Variants in ERP44 observed in about 807,000 individuals in gnomAD.
ERP44 encodes the protein endoplasmic reticulum resident protein 44.
In ERP44, 25 loss-of-function variants were observed where a neutral mutation model predicts 53.4. The ratio of observed to expected loss-of-function variants is 0.47; its 90% CI spans 0.34 to 0.65. The LOEUF is 0.65. ERP44 is among the 30% of genes least tolerant of loss of function. The pLI, the probability that ERP44 is intolerant of heterozygous loss-of-function variation, is 0.01. For synonymous variants in ERP44, 145 were observed against 161.2 expected (o/e 0.90, Z 0.76); for missense variants, 338 against 493.2 (o/e 0.69, Z 2.98).
intron 10 of ERP44, among the ~76,000 whole-genome samples, chr9:100,000,500 A>T (rs1830365167): frequency 6.6e-6 from 1 of 150,916 alleles, no homozygotes; most frequent in Admixed American, 6.6e-5. Flanking sequence ...AAGAATGGTC[A>T]TCAGGTCCTG....
chr9:100,062,257 A>T (rs563226681), intron 1 of ERP44, among the ~76,000 whole-genome samples: 1 of 152,334 alleles, frequency 6.6e-6, no homozygotes, highest in African/African-American at 2.4e-5. Flanking sequence ...TGTAAAACTT[A>T]TATTAAATAA....
intron 1 of ERP44, among the ~76,000 whole-genome samples, chr9:100,078,012 A>G (rs542869128): frequency 4.3e-4 from 65 of 152,384 alleles, no homozygotes; most frequent in African/African-American, 1.4e-3. Context: ...GCTTGCTGAA[A>G]GCAAAGGAAA....
intron 1 of ERP44, among the ~76,000 whole-genome samples, chr9:100,061,595 G>GAAACATATATATTTATAGAAATATATAT (rs1826150535): frequency 7.0e-6 from 1 of 143,248 alleles, no homozygotes; most frequent in Non-Finnish European, 1.5e-5. Context: ...TATATTTATA[G>GAAACATATATATTTATAGAAATATATAT]AAATATATAT....
chr9:100,068,683 A>G (rs7048051), intron 1 of ERP44, among the ~76,000 whole-genome samples: 95,554 of 137,404 alleles, frequency 0.7, 33,229 homozygotes, highest in East Asian at 0.91. Flanking sequence ...TCAACCCCCC[A>G]CCCGGCCAGC....
At position 100,020,737 on chromosome 9, in the gene ERP44, A is replaced by T; in HGVS notation, c.472-6T>A. On this transcript the variant is annotated splice_region_variant and splice_polypyrimidine_tract_variant and intron_variant, in intron 5 of 11. Coordinates refer to ENST00000262455, the MANE Select transcript of ERP44 (RefSeq NM_015051.3). ...ATGATATTTCTTTTGCTGCGCTGTA[A>T]AATAAAGTATGCAATTATTTTGCAA... The T allele has an allele frequency of 1.4e-6, 2 of 1,443,356 alleles. No individual in the cohort carries two copies. Among genetic ancestry groups the T allele is most frequent in the Non-Finnish European group, 1.9e-6 (2 of 1,027,990 alleles). 89.4% of individuals were successfully genotyped at this position (1,443,356 alleles called of 1,614,324 possible).
At chr9:99,991,749 CA>C (rs1830258669) in intron 10 of ERP44, among the ~76,000 whole-genome samples, 1 of 151,850 alleles carries the variant, frequency 6.6e-6, no homozygotes, top group Admixed American at 6.6e-5. Flanking sequence ...AAAAGATCAA[CA>C]AAATTGATAG....
intron 4 of ERP44, among the ~76,000 whole-genome samples, chr9:100,043,902 A>T (rs1825940199): frequency 6.6e-6 from 1 of 152,214 alleles, no homozygotes; most frequent in African/African-American, 2.4e-5. Flanking sequence ...TGTAGTTAAT[A>T]ATAATTTATT....
At chr9:99,989,566 A>G (rs1457034015) in intron 10 of ERP44, among the ~76,000 whole-genome samples, 2 of 152,220 alleles carry the variant, frequency 1.3e-5, no homozygotes, top group Admixed American at 6.5e-5. Context: ...CCAAAAGTAG[A>G]TAAAACCACA....
rs559208904 is a variant in ERP44, at chr9:100,064,754, G to C, written c.58-4582C>G. Among the ~76,000 whole-genome samples the C allele has an allele frequency of 2.1e-3, 317 of 152,250 alleles. 2 individuals carry two copies. The highest frequency in any genetic ancestry group is 7.2e-3 in the African/African-American group (301 of 41,544). Reference sequence around the variant, plus strand: ...AATTCCTGGAGCCTCTTGATGTCTTGATAATCCTGACCCTGTGTAGGTCTA... The same window carrying C: ...AATTCCTGGAGCCTCTTGATGTCTTCATAATCCTGACCCTGTGTAGGTCTA... On this transcript the variant is annotated intron_variant, in intron 1 of 11. Transcript: ENST00000262455.
At chr9:99,999,861 G>A (rs770072149) in intron 10 of ERP44, among the ~76,000 whole-genome samples, 60 of 152,166 alleles carry the variant, frequency 3.9e-4, no homozygotes, top group Admixed American at 2.9e-3. Context: ...TATACGGGGC[G>A]AGATGAGGGT....
rs559474432 is a variant in ERP44, at chr9:99,985,241, A to C, written c.1017-172T>G. ...TTACACAGTTGTAAGCATAGTATCC[A>C]GATACTCAGTTTTGTATTCTAATTC... On this transcript the variant is annotated intron_variant, in intron 10 of 11. Transcript: ENST00000262455. 5.9e-5 allele frequency among the ~76,000 whole-genome samples: 9 copies of C among 152,364 alleles called. No individual in the cohort carries two copies. In the South Asian group the frequency reaches 1.9e-3, roughly 32 times the overall value.
At chr9:100,087,778 CAAA>C (rs1826501850) in intron 1 of ERP44, among the ~76,000 whole-genome samples, 2 of 151,978 alleles carry the variant, frequency 1.3e-5, no homozygotes, top group South Asian at 4.1e-4. Flanking sequence ...CAGGATTAAA[CAAA>C]AAGAGCCCAA....
chr9:99,985,265 T>C (rs1830184287), intron 10 of ERP44, among the ~76,000 whole-genome samples, 196 bp from the exon 11 acceptor site: 1 of 152,232 alleles, frequency 6.6e-6, no homozygotes, highest in African/African-American at 2.4e-5. Context: ...GTATTCTAAT[T>C]CCTGTACTTG....
rs1162818343 is a variant in ERP44 at position 100,030,096 on chromosome 9, G to GA, written c.287-7871dup. Among the ~76,000 whole-genome samples the GA allele has an allele frequency of 2.6e-5, 4 of 152,114 alleles. No homozygotes were observed. In the South Asian group the frequency reaches 6.2e-4, roughly 24 times the overall value. On this transcript the variant is annotated intron_variant, in intron 4 of 11. Transcript: ENST00000262455. ...AGCGAGACTCAGTCTCAAAAACAAAGAAAAAAGAAAATGTGGTACATATAC... is the reference window on the plus strand; with the variant it reads ...AGCGAGACTCAGTCTCAAAAACAAAGAAAAAAAGAAAATGTGGTACATATAC...
chr9:100,003,011 A>C (rs1830393946), intron 10 of ERP44, among the ~76,000 whole-genome samples: 1 of 151,558 alleles, frequency 6.6e-6, no homozygotes, highest in African/African-American at 2.4e-5. Context: ...TTTCTTCTGT[A>C]TGTTTTCAAA....
At chr9:100,023,347 C>A (rs1488960712) in intron 4 of ERP44, among the ~76,000 whole-genome samples, 1 of 150,546 alleles carries the variant, frequency 6.6e-6, no homozygotes, top group Non-Finnish European at 1.5e-5. Flanking sequence ...AAAGCACAAG[C>A]CACAAAGACT....
At position 100,039,963 on chromosome 9, in the gene ERP44, G is replaced by A. The variant is rs186628338; in HGVS notation, c.286+12454C>T. ...TAGACACATACAACCTACCAAGATT[G>A]AGCCATGAAGAAATCCAAAACCTGA... On this transcript the variant is annotated intron_variant, in intron 4 of 11. Transcript: ENST00000262455. Among the ~76,000 whole-genome samples, 12 of 152,010 alleles carry A rather than the reference G, an allele frequency of 7.9e-5. No homozygotes were observed. The East Asian group carries it at 2.1e-3, about 27-fold the overall frequency.
intron 1 of ERP44, among the ~76,000 whole-genome samples, chr9:100,070,585 T>A (rs1826289587): frequency 1.3e-5 from 2 of 152,256 alleles, no homozygotes; most frequent in Non-Finnish European, 1.5e-5. Context: ...TACTGAACAA[T>A]CTTTTAACAT....
At chr9:100,029,115 G>T (rs1825744617) in intron 4 of ERP44, among the ~76,000 whole-genome samples, 1 of 152,070 alleles carries the variant, frequency 6.6e-6, no homozygotes, top group Non-Finnish European at 1.5e-5. Flanking sequence ...TAGCACATTG[G>T]TCTGTGCAAA....
Sources: gnomAD v4.1 joint callset for allele counts (sites outside exome capture counted in the v4.1 genomes callset) on GRCh38, gnomAD v4.1.1 for gene constraint, MANE v1.5 for transcripts, NCBI Gene and HGNC (gene_info 2026-07-23, HGNC 2026-07-21) for gene names.